The following PTPRJ variants were observed in gnomAD, a reference collection of about 807,000 sequenced individuals.
PTPRJ encodes the protein protein tyrosine phosphatase receptor type J.
Under a neutral mutation model 141.3 loss-of-function variants are expected in PTPRJ, and 129 were observed. That is an observed-to-expected ratio of 0.91 (90% confidence interval 0.79 to 1.06). PTPRJ has a LOEUF of 1.06. Among genes scored for constraint, PTPRJ ranks in the 50% least tolerant of loss-of-function variants. The probability of loss-of-function intolerance (pLI) is 0.00; values close to 1 mark genes in which losing one functional copy is unlikely to be tolerated. For synonymous variants in PTPRJ, 610 were observed against 640.5 expected (o/e 0.95, Z 0.72); for missense variants, 1,601 against 1,679.7 (o/e 0.95, Z 0.82).
chr11:48,124,460 C>T (rs1414253296), intron 5 of PTPRJ, among the ~76,000 whole-genome samples: 1 of 152,120 alleles, frequency 6.6e-6, no homozygotes, highest in African/African-American at 2.4e-5. Flanking sequence ...AATTCTCATC[C>T]CTCCCTCTTG....
chr11:48,130,991 G>A (rs1490560754), intron 8 of PTPRJ, among the ~76,000 whole-genome samples: 2 of 141,910 alleles, frequency 1.4e-5, no homozygotes, highest in Non-Finnish European at 3.0e-5. Flanking sequence ...ATATATGTGT[G>A]AGTATACATA....
chr11:48,164,850 G>A (rs778918159), intron 24 of PTPRJ, among the ~76,000 whole-genome samples: 32 of 150,054 alleles, frequency 2.1e-4, no homozygotes, highest in Non-Finnish European at 4.1e-4. Flanking sequence ...ACAGGCATGA[G>A]CCACTTTGCC....
At chr11:48,008,034 G>A (rs773074066) in intron 1 of PTPRJ, among the ~76,000 whole-genome samples, 26 of 152,174 alleles carry the variant, frequency 1.7e-4, no homozygotes, top group Non-Finnish European at 3.4e-4. Context: ...ATTCAGTAAC[G>A]TATCTATTTT....
chr11:48,053,466 TAATATATAAAA>T (rs1565278718), intron 1 of PTPRJ, among the ~76,000 whole-genome samples: 1 of 117,536 alleles, frequency 8.5e-6, no homozygotes, highest in Non-Finnish European at 1.6e-5. Flanking sequence ...ATATTATATA[TAATATATAAAA>T]AATATATATA....
intron 1 of PTPRJ, among the ~76,000 whole-genome samples, chr11:48,097,586 G>A (rs979273206): frequency 2.6e-5 from 4 of 151,414 alleles, no homozygotes; most frequent in African/African-American, 9.7e-5. Context: ...TGCATGGGCT[G>A]GAGTGTAGTG....
chr11:48,003,193 T>G (rs900700), intron 1 of PTPRJ, among the ~76,000 whole-genome samples: 2,503 of 152,322 alleles, frequency 0.016, 66 homozygotes, highest in African/African-American at 0.057. Flanking sequence ...ATGAAATGGA[T>G]GTACTATAAT....
rs1473847989 is a variant in PTPRJ, at chr11:48,067,092, A to G, written c.97-42966A>G. Among the ~76,000 whole-genome samples, 12 of 152,242 alleles carry G rather than the reference A, an allele frequency of 7.9e-5. No individual in the cohort carries two copies. The East Asian group carries it at 2.3e-3, about 29-fold the overall frequency. ...GAAAATCTGAAACCTGCAGTGGGGA[A>G]TACAGAAAAGAAGGAAGTAGAAGGA... On this transcript the variant is annotated intron_variant, in intron 1 of 24. Coordinates refer to ENST00000418331, the MANE Select transcript of PTPRJ (RefSeq NM_002843.4).
At chr11:48,003,390 A>G (rs1220685227) in intron 1 of PTPRJ, among the ~76,000 whole-genome samples, 1 of 152,174 alleles carries the variant, frequency 6.6e-6, no homozygotes, top group Non-Finnish European at 1.5e-5. Context: ...ACGTTCCAAA[A>G]GGAATTCATT....
intron 1 of PTPRJ, among the ~76,000 whole-genome samples, chr11:47,999,863 C>CTTTTTTTTTTTT (rs1209647054): frequency 0.011 from 1,448 of 136,216 alleles, 104 homozygotes; most frequent in African/African-American, 0.04. Flanking sequence ...CGAGATTCTT[C>CTTTTTTTTTTTT]TTTTTTTTTT....
intron 21 of PTPRJ, among the ~76,000 whole-genome samples, chr11:48,159,330 G>T (rs1021583091): frequency 1.1e-4 from 17 of 152,148 alleles, no homozygotes; most frequent in Non-Finnish European, 2.2e-4. Context: ...ATATCTGAAA[G>T]CCTTGGGAAA....
At chr11:48,146,630 C>T (rs533442265) in intron 14 of PTPRJ, among the ~76,000 whole-genome samples, 2 of 152,300 alleles carry the variant, frequency 1.3e-5, no homozygotes, top group Non-Finnish European at 1.5e-5. Flanking sequence ...GTAACTTTCT[C>T]AAGACCATCC....
intron 1 of PTPRJ, among the ~76,000 whole-genome samples, chr11:48,106,369 C>T (rs1856288191): frequency 6.6e-6 from 1 of 152,142 alleles, no homozygotes; most frequent in Non-Finnish European, 1.5e-5. Flanking sequence ...TGGAAATGGC[C>T]TGAGTGTTTC....
rs57503257 is a variant in PTPRJ at position 48,001,349 on chromosome 11, AGTGTGTGTGTGT to A, written c.96+20374_96+20385del. ...TTACCTTTTGCAGTGACAGCCCCAA[AGTGTGTGTGTGT>A]GTGTGTGTGTGTGTGTGTGTGTGTG... On this transcript the variant is annotated intron_variant, in intron 1 of 24. Coordinates refer to ENST00000418331, the MANE Select transcript of PTPRJ (RefSeq NM_002843.4). Among the ~76,000 whole-genome samples, 704 of 134,778 alleles carry A rather than the reference AGTGTGTGTGTGT, an allele frequency of 5.2e-3. 4 individuals are homozygous for A. The highest frequency in any genetic ancestry group is 7.7e-3 in the Non-Finnish European group (482 of 62,396). The allele number at this position is 134,778 out of a possible 152,430, so 88.4% of individuals were successfully genotyped here. A position where few individuals can be genotyped will look rare whatever the true frequency, so the allele number is the denominator to read the frequency against.
chr11:48,099,939 T>C (rs1203308805), intron 1 of PTPRJ, among the ~76,000 whole-genome samples: 10 of 152,144 alleles, frequency 6.6e-5, no homozygotes, highest in Non-Finnish European at 1.5e-4. Context: ...GGAGACTGTC[T>C]AAGAGCTGAC....
At chr11:48,107,532 G>A (rs1031312706) in intron 1 of PTPRJ, among the ~76,000 whole-genome samples, 16 of 152,264 alleles carry the variant, frequency 1.1e-4, no homozygotes, top group African/African-American at 2.6e-4. Flanking sequence ...CATTCTTCCC[G>A]TGTCTGTCAC....
intron 7 of PTPRJ, 59 bp downstream of exon 7, chr11:48,128,102 A>G: frequency 6.5e-7 from 1 of 1,544,734 alleles, no homozygotes; most frequent in Non-Finnish European, 8.9e-7. Context: ...TGCCAGGCCC[A>G]GACACAGGAT....
intron 1 of PTPRJ, among the ~76,000 whole-genome samples, chr11:47,984,094 G>A (rs571211117): frequency 2.6e-4 from 39 of 152,288 alleles, no homozygotes; most frequent in African/African-American, 8.4e-4. Context: ...GACAGTTTAC[G>A]AAAACAGCAA....
chr11:48,105,624 C>T (rs887856327), intron 1 of PTPRJ, among the ~76,000 whole-genome samples: 1 of 152,168 alleles, frequency 6.6e-6, no homozygotes, highest in Non-Finnish European at 1.5e-5. Context: ...CCCTCAAGTG[C>T]CAGAGCTCAT....
chr11:48,136,924 A>G (rs1257441092), intron 9 of PTPRJ, 79 bp from the exon 10 acceptor site: 11 of 1,380,662 alleles, frequency 8.0e-6, no homozygotes, highest in African/African-American at 2.9e-5. Flanking sequence ...GAGCCAGGCT[A>G]TTTTTGGATA....
Sources: allele counts gnomAD v4.1 joint callset (sites outside exome capture counted in the v4.1 genomes callset), GRCh38; gene constraint gnomAD v4.1.1; transcripts MANE v1.5; gene names NCBI Gene and HGNC (gene_info 2026-07-23, HGNC 2026-07-21).